CHST3: variants seen among roughly 807,000 people sequenced by gnomAD.
CHST3 encodes carbohydrate sulfotransferase 3.
Under a neutral mutation model 35.4 loss-of-function variants are expected in CHST3, and 20 were observed. The observed-to-expected ratio is 0.57, with a 90% CI of 0.40 to 0.82. The LOEUF is 0.82. CHST3 is among the 40% of genes least tolerant of loss of function. CHST3 has a pLI of 0.00. For synonymous variants in CHST3, 334 were observed against 295.9 expected (o/e 1.13, Z -1.32); for missense variants, 693 against 670.1 (o/e 1.03, Z -0.38).
chr10:72,008,403 G>A lies in CHST3; in HGVS notation c.1372G>A (p.Asp458Asn). 1 of 1,571,794 alleles carries A rather than the reference G, an allele frequency of 6.4e-7. No individual in the cohort carries two copies. Among genetic ancestry groups the A allele is most frequent in the Admixed American group, 1.9e-5 (1 of 53,448 alleles). Residue 458 changes from aspartate (D) to asparagine (N), a missense_variant, in exon 3 of 3, where the codon GAC (aspartate) becomes AAC (asparagine). Physicochemically the swap from Asp to Asn is conservative, Grantham distance 23 (BLOSUM62 1). Coordinates refer to ENST00000373115, the MANE Select transcript of CHST3 (RefSeq NM_004273.5). Reference sequence around the variant, plus strand: ...CCTCTTCGGCTACAAACTGGCGCGGGACGCCGCCGCCCTCACCAACCGCTC... The same window carrying A: ...CCTCTTCGGCTACAAACTGGCGCGGAACGCCGCCGCCCTCACCAACCGCTC... Reference protein sequence around the residue: ...MRLFGYKLARDAAALTNRSVS... With the variant: ...MRLFGYKLARNAAALTNRSVS...
chr10:72,002,443 C>A (rs1840003236), intron 1 of CHST3, among the ~76,000 whole-genome samples: 1 of 152,186 alleles, frequency 6.6e-6, no homozygotes, highest in Non-Finnish European at 1.5e-5. Context: ...GCCTTTTCAC[C>A]CCTCTCCTAT....
chr10:71,995,587 T>C (rs1174492202), intron 1 of CHST3, among the ~76,000 whole-genome samples: 2 of 152,164 alleles, frequency 1.3e-5, no homozygotes, highest in Admixed American at 1.3e-4. Flanking sequence ...GACTCTTTCT[T>C]TCACTTGAAC....
At chr10:72,003,802 C>T (rs560150662) in intron 1 of CHST3, among the ~76,000 whole-genome samples, 6 of 152,242 alleles carry the variant, frequency 3.9e-5, no homozygotes, top group African/African-American at 1.4e-4. Flanking sequence ...CCTATAGTCC[C>T]AGCTACTCCG....
At chr10:71,991,761 C>T (rs949634901) in intron 1 of CHST3, among the ~76,000 whole-genome samples, 1 of 151,930 alleles carries the variant, frequency 6.6e-6, no homozygotes, top group East Asian at 1.9e-4. Context: ...GGTGAAACCC[C>T]GTCACTACTA....
chr10:71,996,636 A>C (rs966033337), intron 1 of CHST3, among the ~76,000 whole-genome samples: 9 of 152,122 alleles, frequency 5.9e-5, no homozygotes, highest in Non-Finnish European at 1.0e-4. Context: ...TTAATTAAGC[A>C]TCTTGTATGT....
chr10:71,982,997 T>C (rs1839815501), intron 1 of CHST3, among the ~76,000 whole-genome samples: 1 of 152,148 alleles, frequency 6.6e-6, no homozygotes, highest in African/African-American at 2.4e-5. Context: ...CAGACAGACA[T>C]GGGTTCAATC....
At chr10:71,991,859 G>T (rs1057256689) in intron 1 of CHST3, among the ~76,000 whole-genome samples, 1 of 151,934 alleles carries the variant, frequency 6.6e-6, no homozygotes, top group African/African-American at 2.4e-5. Context: ...GCTGGAACCC[G>T]GGCGGCAGAG....
chr10:72,000,961 G>T (rs1349212034), intron 1 of CHST3, among the ~76,000 whole-genome samples: 2 of 152,112 alleles, frequency 1.3e-5, no homozygotes, highest in Non-Finnish European at 2.9e-5. Context: ...AGCCACACTA[G>T]GCCCCCAGGA....
Position 72,007,584 on chromosome 10 carries a change from G to C in CHST3, c.553G>C (p.Ala185Pro). 6.2e-7 allele frequency: 1 copy of C among 1,609,044 alleles called. No individual in the cohort carries two copies. The highest frequency in any genetic ancestry group is 8.5e-7 in the Non-Finnish European group (1 of 1,179,800). ...GGGGGGCGCCAACGCCGCGGGCTCGGCCCTGGTGTACCGCGACGTGCTCAA... is the reference window on the plus strand; with the variant it reads ...GGGGGGCGCCAACGCCGCGGGCTCGCCCCTGGTGTACCGCGACGTGCTCAA... ...EPGGANAAGS[A>P]LVYRDVLKQL... Residue 185 changes from alanine (A) to proline (P), a missense_variant, in exon 3 of 3, where the codon GCC (alanine) becomes CCC (proline). Physicochemically the swap from Ala to Pro is conservative, Grantham distance 27 (BLOSUM62 -1). Transcript: ENST00000373115.
chr10:71,982,837 G>A (rs1184644558), intron 1 of CHST3, among the ~76,000 whole-genome samples: 1 of 152,244 alleles, frequency 6.6e-6, no homozygotes, highest in Non-Finnish European at 1.5e-5. Context: ...ATACGGGGCT[G>A]TCATTAACCC....
At chr10:71,998,532 G>A (rs557709787) in intron 1 of CHST3, among the ~76,000 whole-genome samples, 3 of 152,270 alleles carry the variant, frequency 2.0e-5, no homozygotes, top group Non-Finnish European at 4.4e-5. Flanking sequence ...TGCAGCTGTT[G>A]GAAGGGATCG....
At position 72,012,087 on chromosome 10, in the gene CHST3, C is replaced by T. The variant is rs1427740955; in HGVS notation, c.*3616C>T. Reference sequence around the variant, plus strand: ...AAAGAGATGTTTAATAACAAGTTTACTTCCGGTCTGCTAGCACCCTCAGCC... The same window carrying T: ...AAAGAGATGTTTAATAACAAGTTTATTTCCGGTCTGCTAGCACCCTCAGCC... On this transcript the variant is annotated 3_prime_UTR_variant, in exon 3 of 3. Transcript: ENST00000373115. The T allele has an allele frequency of 1.3e-5, 2 of 152,218 alleles. No homozygotes were observed. The highest frequency in any genetic ancestry group is 2.9e-5 in the Non-Finnish European group (2 of 68,026). 9.4% of individuals were successfully genotyped at this position (152,218 alleles called of 1,614,324 possible).
chr10:71,986,712 G>A (rs960769072), intron 1 of CHST3, among the ~76,000 whole-genome samples: 61 of 194 alleles, frequency 0.31, 1 homozygote, highest in African/African-American at 0.44. Flanking sequence ...GGCAGAGATC[G>A]CCTGGGGCTG....
chr10:72,005,876 C>T lies in CHST3; in HGVS notation c.34C>T (p.Arg12Trp), dbSNP rs140377563. The change falls in exon 2 of 3, where the codon CGG becomes TGG. Residue 12 changes from arginine (R) to tryptophan (W), a missense_variant. Arg to Trp is a moderately radical substitution (Grantham distance 101). Transcript: ENST00000373115. ...EKGLTLPQDCRDFVHSLKMRS... is the reference protein window; with the variant it reads ...EKGLTLPQDCWDFVHSLKMRS... ...AGGACTCACTTTGCCCCAGGACTGC[C>T]GGGACTTTGTGCACAGCCTGAAGAT... 58 of 1,614,238 alleles carry T rather than the reference C, an allele frequency of 3.6e-5. 1 individual carries two copies. The highest frequency in any genetic ancestry group is 2.3e-4 in the African/African-American group (17 of 75,062).
intron 1 of CHST3, among the ~76,000 whole-genome samples, chr10:71,990,657 C>T (rs1040520126): frequency 1.2e-4 from 19 of 152,200 alleles, no homozygotes; most frequent in African/African-American, 4.6e-4. Flanking sequence ...GCCACCATGC[C>T]CAGCCTCTAA....
chr10:72,008,298 G>A lies in CHST3; in HGVS notation c.1267G>A (p.Glu423Lys). Residue 423 changes from glutamate (E) to lysine (K), a missense_variant, in exon 3 of 3, where the codon GAG becomes AAG. Transcript: ENST00000373115. ...GIYSTQKNSS[E>K]QFEKWRFSMP... ...CTACTCCACGCAGAAGAACTCCTCG[G>A]AGCAGTTCGAGAAGTGGCGCTTCAG... 1 of 1,584,734 alleles carries A rather than the reference G, an allele frequency of 6.3e-7. No individual in the cohort carries two copies. The highest frequency in any genetic ancestry group is 8.6e-7 in the Non-Finnish European group (1 of 1,165,982).
At chr10:72,005,677 A>G in intron 1 of CHST3, 59 bp from the exon 2 acceptor site, 1 of 799,298 alleles carries the variant, frequency 1.3e-6, no homozygotes, top group Non-Finnish European at 2.0e-6. Context: ...TGGTGGAGAG[A>G]CATCCTCTGC....
At chr10:72,000,635 G>A (rs1839984287) in intron 1 of CHST3, among the ~76,000 whole-genome samples, 1 of 152,182 alleles carries the variant, frequency 6.6e-6, no homozygotes. Context: ...GGAAGGGTGA[G>A]CAGGGTCTGG....
In CHST3 at chr10:72,012,131, G is replaced by T. The variant is rs1450861637; in HGVS notation, c.*3660G>T. 6.6e-6 allele frequency: 1 copy of T among 152,200 alleles called. No homozygotes were observed. The highest frequency in any genetic ancestry group is 1.9e-4 in the East Asian group (1 of 5,200). The allele number at this position is 152,200 out of a possible 1,614,324, so 9.4% of individuals were successfully genotyped here. On this transcript the variant is annotated 3_prime_UTR_variant, in exon 3 of 3. Transcript: ENST00000373115. Reference sequence around the variant, plus strand: ...CTCAGCCTGGGAGCTACTGCCAGAGGCTGGCGTAGTGGGGCAGCTGCTGAC... The same window carrying T: ...CTCAGCCTGGGAGCTACTGCCAGAGTCTGGCGTAGTGGGGCAGCTGCTGAC...
Sources: allele counts gnomAD v4.1 joint callset (sites outside exome capture counted in the v4.1 genomes callset), GRCh38; gene constraint gnomAD v4.1.1; transcripts MANE v1.5; gene names NCBI Gene and HGNC (gene_info 2026-07-23, HGNC 2026-07-21).